Variants in CUL3 observed in about 807,000 individuals in gnomAD.
CUL3 encodes the protein cullin 3, also known as cullin-3.
A neutral mutation model predicts 89.1 loss-of-function variants in CUL3; 19 were observed. The observed-to-expected ratio is 0.21, with a 90% confidence interval of 0.15 to 0.31. CUL3 has a LOEUF of 0.31. Ranked by LOEUF, CUL3 falls within the 10% of genes least tolerant of loss-of-function variation. The pLI, the probability that CUL3 is intolerant of heterozygous loss-of-function variation, is 1.00. For synonymous variants in CUL3, 351 were observed against 308.4 expected, an observed-to-expected ratio of 1.14 and a Z score of -1.45; for missense variants, 469 against 942.3, an observed-to-expected ratio of 0.50 and a Z score of 6.58.
At chr2:224,530,065 C>T (rs577006312) in intron 3 of CUL3, among the ~76,000 whole-genome samples, 45 of 151,918 alleles carry the variant, frequency 3.0e-4, no homozygotes, top group South Asian at 2.1e-4. Context: ...AGTGAAACCC[C>T]GTCTCCAGTA....
chr2:224,538,982 C>T (rs1036778717), intron 2 of CUL3, among the ~76,000 whole-genome samples: 1 of 151,896 alleles, frequency 6.6e-6, no homozygotes. Flanking sequence ...GCCTGGGCAA[C>T]ACAGCAAGAT....
intron 13 of CUL3, among the ~76,000 whole-genome samples, chr2:224,487,853 C>G (rs1691795632): frequency 6.6e-6 from 1 of 152,164 alleles, no homozygotes. Flanking sequence ...GGAAGTAAAA[C>G]ACTCCTCAGC....
intron 8 of CUL3, among the ~76,000 whole-genome samples, chr2:224,504,616 TTTTAAA>T (rs1692520366): frequency 6.6e-6 from 1 of 152,220 alleles, no homozygotes; most frequent in African/African-American, 2.4e-5. Flanking sequence ...CTGCCCTTAC[TTTTAAA>T]TAAGGGCAAA....
At chr2:224,495,321 T>G (rs1161168581) in intron 13 of CUL3, 1 of 152,412 alleles carries the variant, frequency 6.6e-6, no homozygotes, top group Non-Finnish European at 1.5e-5. Flanking sequence ...TAGCTCTACT[T>G]AGCCTAAATC....
At chr2:224,579,645 G>A (rs990271280) in intron 1 of CUL3, among the ~76,000 whole-genome samples, 4 of 152,130 alleles carry the variant, frequency 2.6e-5, no homozygotes, top group Admixed American at 2.0e-4. Context: ...CTACACAAGT[G>A]GAGTTCCTCT....
At chr2:224,582,387 C>T (rs1272178069) in intron 1 of CUL3, among the ~76,000 whole-genome samples, 2 of 152,168 alleles carry the variant, frequency 1.3e-5, no homozygotes, top group South Asian at 2.1e-4. Flanking sequence ...TATAAGCACA[C>T]GGTTAGTAAG....
intron 8 of CUL3, 41 bp downstream of exon 8, chr2:224,505,915 A>T (rs773118960): frequency 7.8e-7 from 1 of 1,289,374 alleles, no homozygotes; most frequent in Non-Finnish European, 1.1e-6. Flanking sequence ...TTATATCTTT[A>T]AATAAAATTA....
intron 3 of CUL3, among the ~76,000 whole-genome samples, chr2:224,525,614 A>G (rs1381742788): frequency 6.6e-6 from 1 of 152,238 alleles, no homozygotes; most frequent in African/African-American, 2.4e-5. Context: ...AAATAATGAT[A>G]AGATAATAAT....
chr2:224,551,258 T>A (rs1694505580), intron 2 of CUL3, among the ~76,000 whole-genome samples: 1 of 148,316 alleles, frequency 6.7e-6, no homozygotes, highest in African/African-American at 2.5e-5. Flanking sequence ...CAGGCTGGAG[T>A]GCAGTGGTGT....
intron 9 of CUL3, 28 bp from the exon 10 acceptor site, chr2:224,503,100 A>T (rs1201414472): frequency 2.3e-6 from 3 of 1,277,172 alleles, no homozygotes; most frequent in Non-Finnish European, 3.4e-6. Context: ...AAATATACAC[A>T]AATAAATGGT....
chr2:224,557,879 G>GATAA, intron 1 of CUL3, 23 bp from the exon 2 acceptor site: 1 of 75,150 alleles, frequency 1.3e-5, no homozygotes, highest in Non-Finnish European at 2.2e-5. Flanking sequence ...AGAGAGAGAA[G>GATAA]AGACAAAAAA....
At chr2:224,478,487 T>G (rs1035822724) in intron 14 of CUL3, 142 bp from the exon 15 acceptor site, 2 of 616,394 alleles carry the variant, frequency 3.2e-6, no homozygotes, top group African/African-American at 3.8e-5. Context: ...CAAGTACGCA[T>G]TCAGAAACTG....
At chr2:224,483,586 C>T (rs149259130) in intron 13 of CUL3, among the ~76,000 whole-genome samples, 52 of 152,272 alleles carry the variant, frequency 3.4e-4, no homozygotes, top group Middle Eastern at 3.4e-3. Context: ...TCCTATTCAT[C>T]TATATATACA....
intron 2 of CUL3, among the ~76,000 whole-genome samples, chr2:224,552,809 G>A (rs1014182116): frequency 6.6e-6 from 1 of 152,146 alleles, no homozygotes; most frequent in Non-Finnish European, 1.5e-5. Context: ...AGGCAGTTCA[G>A]CTAACTGCCA....
rs748117257 is a variant in CUL3, at chr2:224,503,853, C to T, written c.1207-31G>A. 1.5e-5 allele frequency: 22 copies of T among 1,482,508 alleles called. No individual in the cohort carries two copies. The South Asian group carries it at 2.9e-4, about 20-fold the overall frequency. The allele number at this position is 1,482,508 out of a possible 1,614,324, so 91.8% of individuals were successfully genotyped here. On this transcript the variant is annotated intron_variant, in intron 8 of 15. Transcript: ENST00000264414. Reference sequence around the variant, plus strand: ...AAATTAAGATGATGTAACAATTATACAATTTTAGTTCTACAAAAGCAGTAC... The same window carrying T: ...AAATTAAGATGATGTAACAATTATATAATTTTAGTTCTACAAAAGCAGTAC...
intron 8 of CUL3, 89 bp downstream of exon 8, chr2:224,505,867 A>G (rs995530431): frequency 1.4e-5 from 13 of 915,394 alleles, no homozygotes; most frequent in Non-Finnish European, 2.0e-5. Flanking sequence ...GTCATGCTTA[A>G]TTTTTATCTG....
At position 224,470,691 on chromosome 2, in the gene CUL3, A is replaced by G. The variant is rs981283535; in HGVS notation, c.*3554T>C. 1.3e-5 allele frequency: 3 copies of G among 231,724 alleles called. No homozygotes were observed. Among genetic ancestry groups the G allele is most frequent in the African/African-American group, 6.6e-5 (3 of 45,230 alleles). 14.4% of individuals were successfully genotyped at this position (231,724 alleles called of 1,614,324 possible). ...ATTTTCTTTTCAATGGACACATTCC[A>G]GAATAGCAGCAATCACCTTCCCTGT... On this transcript the variant is annotated 3_prime_UTR_variant, in exon 16 of 16. Transcript: ENST00000264414.
At chr2:224,513,138 A>C (rs1385295078) in intron 5 of CUL3, among the ~76,000 whole-genome samples, 5 of 152,192 alleles carry the variant, frequency 3.3e-5, no homozygotes, top group Non-Finnish European at 5.9e-5. Flanking sequence ...TACATATACA[A>C]AATATATGCT....
chr2:224,554,820 T>C (rs1321717982), intron 2 of CUL3, among the ~76,000 whole-genome samples: 5 of 152,220 alleles, frequency 3.3e-5, no homozygotes, highest in African/African-American at 1.2e-4. Flanking sequence ...CTTAATCCCA[T>C]ACTCTCTATA....
Sources: allele counts gnomAD v4.1 joint callset (sites outside exome capture counted in the v4.1 genomes callset), GRCh38; gene constraint gnomAD v4.1.1; transcripts MANE v1.5; gene names NCBI Gene and HGNC (gene_info 2026-07-23, HGNC 2026-07-21).